PDE1C: variants seen among roughly 807,000 people sequenced by gnomAD.
PDE1C encodes phosphodiesterase 1C.
In PDE1C, 62 loss-of-function variants were observed where a neutral mutation model predicts 93.1. The observed-to-expected ratio is 0.67, with a 90% CI of 0.54 to 0.82. The LOEUF is 0.82. PDE1C is among the 40% of genes least tolerant of loss of function. The pLI, the probability that PDE1C is intolerant of heterozygous loss-of-function variation, is 0.00. For missense variants in PDE1C, 742 were observed against 884.6 expected (o/e 0.84, Z 2.04); for synonymous variants, 325 against 310.1 (o/e 1.05, Z -0.50).
At chr7:31,770,797 G>A (rs529589103) in intron 17 of PDE1C, among the ~76,000 whole-genome samples, 24 of 152,094 alleles carry the variant, frequency 1.6e-4, no homozygotes, top group South Asian at 4.2e-4. Flanking sequence ...AAGCCCAGCC[G>A]TTTCCTTCTA....
rs771878602 is a variant in PDE1C, at chr7:31,753,559, G to A, written c.1961-6C>T. ...ACGCAAAGGAGGCTTGATGACTGGC[G>A]GCCATGGAAAGGAAGACAGACAACG... is the stretch of plus-strand genomic sequence containing the variant. On this transcript the variant is annotated splice_polypyrimidine_tract_variant and splice_region_variant and intron_variant, in intron 17 of 17. Coordinates refer to ENST00000396191, the MANE Select transcript of PDE1C (RefSeq NM_001191057.4). The A allele has an allele frequency of 5.0e-5, 80 of 1,606,326 alleles. No individual in the cohort carries two copies. The highest frequency in any genetic ancestry group is 1.7e-4 in the Middle Eastern group (1 of 6,006).
chr7:32,366,487 T>C (rs1183075224), intron 1 of PDE1C, among the ~76,000 whole-genome samples: 1 of 151,878 alleles, frequency 6.6e-6, no homozygotes, highest in East Asian at 1.9e-4. Flanking sequence ...ATGAAAAAGA[T>C]ATAGGGAATA....
At chr7:31,947,718 C>G (rs534663925) in intron 2 of PDE1C, among the ~76,000 whole-genome samples, 5 of 152,214 alleles carry the variant, frequency 3.3e-5, no homozygotes, top group Non-Finnish European at 7.3e-5. Context: ...ATTCAGCAGT[C>G]ACTCAAAATA....
Position 32,102,846 on chromosome 7 carries a change from C to T in PDE1C, c.308+66939G>A, listed in dbSNP as rs560321677. On this transcript the variant is annotated intron_variant, in intron 3 of 18. Coordinates refer to the PDE1C transcript ENST00000396193. The stretch of plus-strand genomic sequence containing the variant: ...TATTATGGGCATTTTGCACTCTGTA[C>T]ATGCATACACGGAGGCCTCTCAGCT... 2.6e-4 allele frequency among the ~76,000 whole-genome samples: 39 copies of T among 152,288 alleles called. 1 individual carries two copies. In the South Asian group the frequency reaches 6.6e-3, roughly 26 times the overall value.
intron 3 of PDE1C, among the ~76,000 whole-genome samples, chr7:32,103,456 T>C (rs990587234): frequency 1.3e-5 from 2 of 152,104 alleles, no homozygotes; most frequent in African/African-American, 4.8e-5. Context: ...CGGATGCCTC[T>C]CCCACCCACT....
the PDE1C span, among the ~76,000 whole-genome samples, chr7:31,624,099 C>A: frequency 1.3e-5 from 2 of 150,666 alleles, no homozygotes; most frequent in Admixed American, 1.3e-4. Context: ...GAACTACAAA[C>A]CACTGCTCAA....
intron 9 of PDE1C, among the ~76,000 whole-genome samples, chr7:31,843,767 C>A (rs1583569954): frequency 6.6e-6 from 1 of 151,624 alleles, no homozygotes; most frequent in East Asian, 1.9e-4. Flanking sequence ...TTTGCATTAA[C>A]TTTTCTGCTT....
intron 2 of PDE1C, among the ~76,000 whole-genome samples, chr7:32,023,572 C>A (rs921097989): frequency 6.6e-6 from 1 of 151,750 alleles, no homozygotes; most frequent in African/African-American, 2.4e-5. Context: ...TTGGCACATC[C>A]GTACCGTGGA....
In PDE1C at chr7:32,131,005, T is replaced by C. The variant is rs375816983; in HGVS notation, c.308+38780A>G. 1.8e-4 allele frequency among the ~76,000 whole-genome samples: 27 copies of C among 152,210 alleles called. No individual in the cohort carries two copies. The South Asian group carries it at 5.6e-3, about 32-fold the overall frequency. ...ATGTTCCCTTTAGGTCCCTTCAAGTTAAGGAGGTCAGGATAAATCTATGTG... is the reference window on the plus strand; with the variant it reads ...ATGTTCCCTTTAGGTCCCTTCAAGTCAAGGAGGTCAGGATAAATCTATGTG... On this transcript the variant is annotated intron_variant, in intron 3 of 18. Coordinates refer to the PDE1C transcript ENST00000396193.
At chr7:32,142,960 G>C (rs1168055926) in intron 3 of PDE1C, among the ~76,000 whole-genome samples, 1 of 152,032 alleles carries the variant, frequency 6.6e-6, no homozygotes, top group East Asian at 1.9e-4. Context: ...AGTTCAACTG[G>C]CAAATAGCTT....
At chr7:31,912,369 T>C (rs58330057) in intron 2 of PDE1C, among the ~76,000 whole-genome samples, 5,104 of 152,222 alleles carry the variant, frequency 0.034, 274 homozygotes, top group African/African-American at 0.12. Flanking sequence ...GGAAGTACTA[T>C]TTTTATATCA....
the PDE1C span, among the ~76,000 whole-genome samples, chr7:31,672,186 C>T: frequency 0.12 from 17,825 of 152,132 alleles, 1,203 homozygotes; most frequent in Middle Eastern, 0.15. Context: ...GACTCTCGGC[C>T]AAGTCTGAAT....
At chr7:32,205,145 C>T (rs975792967) in intron 2 of PDE1C, among the ~76,000 whole-genome samples, 9 of 152,202 alleles carry the variant, frequency 5.9e-5, no homozygotes, top group Non-Finnish European at 1.0e-4. Flanking sequence ...ACCTCTGCTG[C>T]CCCAGCTTCA....
At chr7:31,665,078 C>T in the PDE1C span, among the ~76,000 whole-genome samples, 1 of 152,242 alleles carries the variant, frequency 6.6e-6, no homozygotes, top group East Asian at 1.9e-4. Flanking sequence ...TTCCTTCCTC[C>T]TTCCTCTCTC....
At chr7:31,683,740 A>G in the PDE1C span, among the ~76,000 whole-genome samples, 1 of 152,244 alleles carries the variant, frequency 6.6e-6, no homozygotes, top group Non-Finnish European at 1.5e-5. Context: ...CTACCCCTAG[A>G]TTGGCTATGA....
At chr7:31,736,799 C>T in the PDE1C span, among the ~76,000 whole-genome samples, 1 of 152,114 alleles carries the variant, frequency 6.6e-6, no homozygotes, top group South Asian at 2.1e-4. Context: ...TTATGAGAAT[C>T]CCTTGTGTGG....
intron 14 of PDE1C, chr7:31,820,642 C>G (rs577438823): frequency 4.1e-4 from 63 of 152,088 alleles, no homozygotes; most frequent in African/African-American, 1.4e-3. Context: ...AAATCAGGGT[C>G]ATCTGGAAAA....
chr7:32,329,227 T>C (rs1783464568), intron 1 of PDE1C, among the ~76,000 whole-genome samples: 1 of 151,996 alleles, frequency 6.6e-6, no homozygotes, highest in African/African-American at 2.4e-5. Flanking sequence ...CTCAAATAAA[T>C]AAATAAAAAG....
At chr7:31,809,683 C>T (rs1453816449) in intron 15 of PDE1C, among the ~76,000 whole-genome samples, 1 of 151,992 alleles carries the variant, frequency 6.6e-6, no homozygotes, top group African/African-American at 2.4e-5. Flanking sequence ...TAAGAGGATT[C>T]CAAGAGTACT....
Sources: allele counts gnomAD v4.1 joint callset (sites outside exome capture counted in the v4.1 genomes callset), GRCh38; gene constraint gnomAD v4.1.1; transcripts MANE v1.5; gene names NCBI Gene and HGNC (gene_info 2026-07-23, HGNC 2026-07-21).